ARHGAP10: variants seen among roughly 807,000 people sequenced by gnomAD.
ARHGAP10 encodes the protein Rho GTPase activating protein 10, also known as rho GTPase-activating protein 10.
ARHGAP10 carries 87 observed loss-of-function variants against 108.6 expected under a neutral mutation model. The observed-to-expected ratio is 0.80, with a 90% CI of 0.67 to 0.96. The LOEUF (loss-of-function observed/expected upper bound fraction) is 0.96. Among genes scored for constraint, ARHGAP10 ranks in the 40% least tolerant of loss-of-function variants. The probability of loss-of-function intolerance (pLI) is 0.00; values close to 1 mark genes in which losing one functional copy is unlikely to be tolerated. For synonymous variants in ARHGAP10, 347 were observed against 341.1 expected (o/e 1.02, Z -0.19); for missense variants, 939 against 954.5 (o/e 0.98, Z 0.21).
At chr4:147,960,547 ACT>A (rs1738952546) in intron 16 of ARHGAP10, among the ~76,000 whole-genome samples, 1 of 152,034 alleles carries the variant, frequency 6.6e-6, no homozygotes, top group Non-Finnish European at 1.5e-5. Context: ...AGGAAGGAAA[ACT>A]CTGCAGGATT....
rs1307050480 is a variant in ARHGAP10, at chr4:147,955,382, T to G, written c.1450+8T>G. The G allele has an allele frequency of 6.2e-7, 1 of 1,608,558 alleles. No individual in the cohort carries two copies. The highest frequency in any genetic ancestry group is 8.5e-7 in the Non-Finnish European group (1 of 1,175,752). ...ATTTCATTGTTCCAGCCAGTAAGTA[T>G]TATGTAAAGGTATATAGGAACAGTT... On this transcript the variant is annotated splice_region_variant and intron_variant, in intron 16 of 22. Transcript: ENST00000336498.
At chr4:147,838,362 T>C (rs10004850) in intron 3 of ARHGAP10, among the ~76,000 whole-genome samples, 25,088 of 152,026 alleles carry the variant, frequency 0.17, 2,622 homozygotes, top group African/African-American at 0.31. Flanking sequence ...TCCAGCTACT[T>C]AGGAGGCTGA....
At chr4:147,953,943 T>G (rs1738699217) in intron 15 of ARHGAP10, among the ~76,000 whole-genome samples, 1 of 152,048 alleles carries the variant, frequency 6.6e-6, no homozygotes, top group African/African-American at 2.4e-5. Context: ...CCTCAAATTC[T>G]GATATGTTGT....
At chr4:147,950,781 A>G (rs1056065169) in intron 15 of ARHGAP10, among the ~76,000 whole-genome samples, 1 of 151,892 alleles carries the variant, frequency 6.6e-6, no homozygotes, top group African/African-American at 2.4e-5. Context: ...GCAGACCATT[A>G]TTTCGATTTT....
chr4:147,938,003 T>TA (rs1738020940), intron 13 of ARHGAP10, among the ~76,000 whole-genome samples: 1 of 152,084 alleles, frequency 6.6e-6, no homozygotes, highest in African/African-American at 2.4e-5. Context: ...ATGTGGTACA[T>TA]AAAGTACCAC....
chr4:147,765,347 G>GGGT lies in ARHGAP10; in HGVS notation c.154+32893_154+32894insGTG, dbSNP rs1553947394. ...TGGTGTGTGTGTGTGTGGGGGGGGG[G>GGGT]GTGTGAGTGTGTGTATTTCAATGTG... is the stretch of plus-strand genomic sequence containing the variant. On this transcript the variant is annotated intron_variant, in intron 1 of 22. Transcript: ENST00000336498. Among the ~76,000 whole-genome samples, 153 of 143,670 alleles carry GGGT rather than the reference G, an allele frequency of 1.1e-3. 1 individual carries two copies. The highest frequency in any genetic ancestry group is 3.7e-3 in the African/African-American group (142 of 38,330). 94.3% of individuals were successfully genotyped at this position (143,670 alleles called of 152,430 possible). A position where few individuals can be genotyped will look rare whatever the true frequency, so the allele number is the denominator to read the frequency against.
intron 1 of ARHGAP10, among the ~76,000 whole-genome samples, chr4:147,822,014 A>G (rs1225995302): frequency 6.6e-6 from 1 of 152,212 alleles, no homozygotes; most frequent in Non-Finnish European, 1.5e-5. Context: ...TCTCTTGAGA[A>G]TTTTTGAATG....
intron 1 of ARHGAP10, among the ~76,000 whole-genome samples, chr4:147,790,199 A>G (rs1731064519): frequency 6.6e-6 from 1 of 151,742 alleles, no homozygotes; most frequent in African/African-American, 2.4e-5. Context: ...CTGTGTCCTC[A>G]CTTGGGACAC....
chr4:147,963,932 G>T (rs181431522), intron 16 of ARHGAP10, among the ~76,000 whole-genome samples: 1 of 152,148 alleles, frequency 6.6e-6, no homozygotes, highest in Non-Finnish European at 1.5e-5. Flanking sequence ...AGTCATATTG[G>T]ATGAAGAAGC....
intron 1 of ARHGAP10, among the ~76,000 whole-genome samples, chr4:147,750,197 A>C (rs917207917): frequency 6.6e-6 from 1 of 152,214 alleles, no homozygotes; most frequent in Admixed American, 6.5e-5. Context: ...TAATGTATGC[A>C]GTGAGAACAA....
chr4:147,960,916 T>A (rs1229483193), intron 16 of ARHGAP10, among the ~76,000 whole-genome samples: 1 of 152,246 alleles, frequency 6.6e-6, no homozygotes, highest in African/African-American at 2.4e-5. Context: ...CATTGCATTC[T>A]GTTTGAAGAA....
At chr4:147,939,981 T>A in intron 14 of ARHGAP10, 82 bp downstream of exon 14, 1 of 1,274,816 alleles carries the variant, frequency 7.8e-7, no homozygotes, top group Non-Finnish European at 1.1e-6. Flanking sequence ...CATAATAATG[T>A]AGAGAATACT....
chr4:148,048,814 G>A (rs1267631603), intron 20 of ARHGAP10, among the ~76,000 whole-genome samples: 1 of 152,134 alleles, frequency 6.6e-6, no homozygotes, highest in Admixed American at 6.6e-5. Flanking sequence ...AGAAGGGCTT[G>A]ATATTTTTGG....
chr4:147,942,030 G>T (rs763565701), intron 14 of ARHGAP10, among the ~76,000 whole-genome samples: 1 of 152,090 alleles, frequency 6.6e-6, no homozygotes, highest in African/African-American at 2.4e-5. Context: ...AATCTTAGGG[G>T]CATTTTTTTC....
Position 147,787,365 on chromosome 4 carries a change from A to T in ARHGAP10, c.155-35362A>T, listed in dbSNP as rs115582546. On this transcript the variant is annotated intron_variant, in intron 1 of 22. Transcript: ENST00000336498. The stretch of plus-strand genomic sequence containing the variant: ...GAGGAGTATTTTCAGTTTAGGAAAC[A>T]CATGAACACAACATCAGCAGGGGGA... Among the ~76,000 whole-genome samples, 1,306 of 152,240 alleles carry T rather than the reference A, an allele frequency of 8.6e-3. 13 individuals are homozygous for T. The highest frequency in any genetic ancestry group is 0.012 in the Non-Finnish European group (795 of 68,010).
rs2126668513 is a variant in ARHGAP10, at chr4:147,732,193, A to T, written c.-109A>T. 1 of 1,147,428 alleles carries T rather than the reference A, an allele frequency of 8.7e-7. No individual in the cohort carries two copies. Among genetic ancestry groups the T allele is most frequent in the South Asian group, 2.3e-5 (1 of 44,404 alleles). The allele number at this position is 1,147,428 out of a possible 1,614,324, so 71.1% of individuals were successfully genotyped here. On this transcript the variant is annotated 5_prime_UTR_variant, in exon 1 of 23. An upstream open reading frame in the 5' UTR loses its in-frame stop. Coordinates refer to ENST00000336498, the MANE Select transcript of ARHGAP10 (RefSeq NM_024605.4). ...CGCTCGCCGCGCGCCCGGGCCTGCT[A>T]GCTCCTCTGTGCTCCCTGAACGCGC...
intron 1 of ARHGAP10, among the ~76,000 whole-genome samples, chr4:147,791,089 C>T (rs957044225): frequency 1.4e-4 from 21 of 150,260 alleles, no homozygotes; most frequent in Admixed American, 1.3e-3. Flanking sequence ...ATGAAAATAA[C>T]AGCAAACTGT....
At chr4:147,925,655 G>A (rs1173218367) in intron 13 of ARHGAP10, among the ~76,000 whole-genome samples, 1 of 152,194 alleles carries the variant, frequency 6.6e-6, no homozygotes, top group Non-Finnish European at 1.5e-5. Flanking sequence ...TCTTAAAGAT[G>A]AGCTTCAATC....
At chr4:147,940,024 T>A (rs1738113606) in intron 14 of ARHGAP10, 125 bp downstream of exon 14, 1 of 937,588 alleles carries the variant, frequency 1.1e-6, no homozygotes. Flanking sequence ...CTACAGGAGT[T>A]TTCTGCTGAG....
Sources: gnomAD v4.1 joint callset for allele counts (sites outside exome capture counted in the v4.1 genomes callset) on GRCh38, gnomAD v4.1.1 for gene constraint, MANE v1.5 for transcripts, NCBI Gene and HGNC (gene_info 2026-07-23, HGNC 2026-07-21) for gene names.